STPG2: variants seen among roughly 807,000 people sequenced by gnomAD.
The protein encoded by STPG2 is sperm tail PG-rich repeat containing 2.
Under a neutral mutation model 54.2 loss-of-function variants are expected in STPG2, and 56 were observed. The observed-to-expected ratio is 1.03, with a 90% confidence interval of 0.83 to 1.29. STPG2 has a LOEUF of 1.29. Among genes scored for constraint, STPG2 ranks in the 50% most tolerant of loss-of-function variants. The pLI, the probability that STPG2 is intolerant of heterozygous loss-of-function variation, is 0.00. For synonymous variants in STPG2, 200 were observed against 181.8 expected (o/e 1.10, Z -0.81); for missense variants, 596 against 544.9 (o/e 1.09, Z -0.93).
intron 10 of STPG2, among the ~76,000 whole-genome samples, chr4:97,651,899 T>C (rs1234233027): frequency 6.6e-6 from 1 of 152,012 alleles, no homozygotes; most frequent in African/African-American, 2.4e-5. Flanking sequence ...ATTTGAAGTG[T>C]CTTTAATAAT....
At chr4:98,026,129 G>T in intron 5 of STPG2, 2 of 1,467,454 alleles carry the variant, frequency 1.4e-6, no homozygotes, top group South Asian at 2.4e-5. Context: ...AGAGAATCCA[G>T]TCTATGAAAA....
intron 5 of STPG2, among the ~76,000 whole-genome samples, chr4:98,000,143 T>C (rs1325482119): frequency 6.6e-6 from 1 of 152,236 alleles, no homozygotes; most frequent in South Asian, 2.1e-4. Flanking sequence ...CCAGCTAACA[T>C]CTAGATTGAA....
At chr4:97,723,315 T>C (rs1204456800) in intron 9 of STPG2, among the ~76,000 whole-genome samples, 1 of 151,868 alleles carries the variant, frequency 6.6e-6, no homozygotes, top group Non-Finnish European at 1.5e-5. Context: ...TCTTAGACAC[T>C]GAGGACTCCA....
intron 7 of STPG2, among the ~76,000 whole-genome samples, chr4:97,961,735 G>C (rs1439631881): frequency 6.6e-6 from 1 of 152,080 alleles, no homozygotes; most frequent in African/African-American, 2.4e-5. Flanking sequence ...GCAGTGAACA[G>C]GGAACACTTT....
At chr4:98,003,980 C>T (rs1735495949) in intron 5 of STPG2, among the ~76,000 whole-genome samples, 1 of 151,914 alleles carries the variant, frequency 6.6e-6, no homozygotes, top group African/African-American at 2.4e-5. Flanking sequence ...ACATGTACAT[C>T]ACCTCACATA....
At chr4:97,939,574 G>A (rs549202816) in intron 8 of STPG2, among the ~76,000 whole-genome samples, 82 of 152,108 alleles carry the variant, frequency 5.4e-4, no homozygotes, top group Non-Finnish European at 1.1e-3. Flanking sequence ...TGTCATTTCT[G>A]ATCTTTGCTG....
At chr4:97,489,414 C>T (rs1390975458) in intron 4 of STPG2, among the ~76,000 whole-genome samples, 1 of 151,680 alleles carries the variant, frequency 6.6e-6, no homozygotes, top group Non-Finnish European at 1.5e-5. Context: ...TAACGTAGCA[C>T]TGGTTCCCCA....
At chr4:97,831,583 G>A (rs1188272744) in intron 9 of STPG2, among the ~76,000 whole-genome samples, 1 of 152,044 alleles carries the variant, frequency 6.6e-6, no homozygotes, top group African/African-American at 2.4e-5. Flanking sequence ...ATGAATCCAG[G>A]AGCTGCTTTT....
chr4:98,113,605 C>A (rs756308244), intron 3 of STPG2, among the ~76,000 whole-genome samples: 4 of 151,950 alleles, frequency 2.6e-5, no homozygotes, highest in Non-Finnish European at 5.9e-5. Context: ...TCACTATGGA[C>A]ATTCAGCTTT....
chr4:97,849,810 T>G lies in STPG2; in HGVS notation c.1045-8878A>C, dbSNP rs537702024. 5.4e-3 allele frequency among the ~76,000 whole-genome samples: 822 copies of G among 152,008 alleles called. 5 individuals are homozygous for G. Among genetic ancestry groups the G allele is most frequent in the Middle Eastern group, 0.02 (6 of 294 alleles). ...GGATGTGGAGAAATAGGAACACTTT[T>G]ACACTGTTGGTGGGACTGTCAACTA... is the stretch of plus-strand genomic sequence containing the variant. On this transcript the variant is annotated intron_variant, in intron 8 of 10. Coordinates refer to ENST00000295268, the MANE Select transcript of STPG2 (RefSeq NM_174952.3).
chr4:98,135,666 A>G (rs532325129), intron 1 of STPG2, among the ~76,000 whole-genome samples: 5 of 151,848 alleles, frequency 3.3e-5, no homozygotes, highest in East Asian at 1.9e-4. Flanking sequence ...GAAGAAGGGA[A>G]GAGGAGAGGG....
intron 6 of STPG2, among the ~76,000 whole-genome samples, chr4:97,978,411 A>G (rs770184830): frequency 4.6e-5 from 7 of 152,226 alleles, no homozygotes; most frequent in Non-Finnish European, 8.8e-5. Flanking sequence ...ACACAGAAAC[A>G]TAAAACCAAA....
chr4:97,999,609 G>A (rs959107738), intron 5 of STPG2, among the ~76,000 whole-genome samples: 3 of 152,116 alleles, frequency 2.0e-5, no homozygotes, highest in African/African-American at 4.8e-5. Flanking sequence ...TGAGGCATGA[G>A]AATCGCTTGA....
At chr4:98,067,410 G>T (rs1015140620) in intron 5 of STPG2, among the ~76,000 whole-genome samples, 14 of 152,034 alleles carry the variant, frequency 9.2e-5, no homozygotes, top group African/African-American at 3.4e-4. Context: ...GCCAACCAGG[G>T]TTATTTAGCT....
chr4:97,827,500 G>A (rs1462061646), intron 9 of STPG2, among the ~76,000 whole-genome samples: 1 of 152,124 alleles, frequency 6.6e-6, no homozygotes, highest in East Asian at 1.9e-4. Flanking sequence ...CTGCCAAAGT[G>A]CTGGGATTAC....
At chr4:98,094,723 C>T (rs1005443610) in intron 5 of STPG2, among the ~76,000 whole-genome samples, 1 of 152,140 alleles carries the variant, frequency 6.6e-6, no homozygotes, top group Non-Finnish European at 1.5e-5. Flanking sequence ...CACCTCAAAC[C>T]CCCATGGATC....
intron 3 of STPG2, among the ~76,000 whole-genome samples, chr4:98,111,205 A>T (rs776794873): frequency 6.6e-6 from 1 of 152,024 alleles, no homozygotes; most frequent in Non-Finnish European, 1.5e-5. Context: ...AGAACCAGAA[A>T]AGGACCTCAT....
chr4:97,742,230 A>T (rs1375304668), intron 9 of STPG2, among the ~76,000 whole-genome samples: 1 of 151,774 alleles, frequency 6.6e-6, no homozygotes, highest in East Asian at 1.9e-4. Context: ...TGGGGGAGGA[A>T]GGAGGGATAG....
intron 9 of STPG2, among the ~76,000 whole-genome samples, chr4:97,835,454 T>C (rs1376018062): frequency 6.6e-6 from 1 of 152,136 alleles, no homozygotes; most frequent in African/African-American, 2.4e-5. Context: ...CTTTATTCCT[T>C]TATTTTCTTA....
Sources: gnomAD v4.1 joint callset for allele counts (sites outside exome capture counted in the v4.1 genomes callset) on GRCh38, gnomAD v4.1.1 for gene constraint, MANE v1.5 for transcripts, NCBI Gene and HGNC (gene_info 2026-07-23, HGNC 2026-07-21) for gene names.